The following MRPS35 variants were observed in gnomAD, a reference collection of about 807,000 sequenced individuals.
MRPS35 encodes mitochondrial ribosomal protein S35.
Under a neutral mutation model 32.7 loss-of-function variants are expected in MRPS35, and 29 were observed. The ratio of observed to expected loss-of-function variants is 0.89; its 90% CI spans 0.66 to 1.21. The LOEUF is 1.21. Among genes scored for constraint, MRPS35 ranks in the 50% most tolerant of loss-of-function variants. The probability of loss-of-function intolerance (pLI) is 0.00; values close to 1 mark genes in which losing one functional copy is unlikely to be tolerated. For synonymous variants in MRPS35, 148 were observed against 139.3 expected (o/e 1.06, Z -0.44); for missense variants, 373 against 383.8 (o/e 0.97, Z 0.23).
intron 5 of MRPS35, among the ~76,000 whole-genome samples, chr12:27,729,291 C>A (rs1290603026): frequency 6.6e-6 from 1 of 152,058 alleles, no homozygotes; most frequent in Admixed American, 6.6e-5. Flanking sequence ...AGCCCTAATA[C>A]CTGCCAGTGG....
At chr12:27,744,375 C>T (rs983492131) in intron 7 of MRPS35, among the ~76,000 whole-genome samples, 1 of 152,080 alleles carries the variant, frequency 6.6e-6, no homozygotes, top group Non-Finnish European at 1.5e-5. Flanking sequence ...AGGCGGATCA[C>T]TTGAGGCCTG....
At chr12:27,739,194 A>G (rs1276749145) in intron 7 of MRPS35, among the ~76,000 whole-genome samples, 1 of 152,218 alleles carries the variant, frequency 6.6e-6, no homozygotes, top group Non-Finnish European at 1.5e-5. Context: ...CACCATGTCC[A>G]GCCCTCCCAA....
At chr12:27,734,814 C>T (rs918210375) in intron 5 of MRPS35, among the ~76,000 whole-genome samples, 8 of 152,152 alleles carry the variant, frequency 5.3e-5, no homozygotes, top group South Asian at 2.1e-4. Flanking sequence ...CAATTTACCT[C>T]GGCATTTCCT....
intron 7 of MRPS35, among the ~76,000 whole-genome samples, chr12:27,750,934 C>T (rs538247645): frequency 6.6e-6 from 1 of 151,950 alleles, no homozygotes; most frequent in African/African-American, 2.4e-5. Flanking sequence ...GAAATCCCAT[C>T]TCTACTAAAA....
intron 7 of MRPS35, among the ~76,000 whole-genome samples, chr12:27,749,966 A>G (rs2061995536): frequency 1.3e-5 from 2 of 152,178 alleles, no homozygotes; most frequent in African/African-American, 4.8e-5. Flanking sequence ...ATCTTATACA[A>G]ACTTCCTGGA....
intron 7 of MRPS35, among the ~76,000 whole-genome samples, chr12:27,740,267 CT>C (rs35636242): frequency 0.14 from 19,944 of 142,384 alleles, 1,392 homozygotes; most frequent in East Asian, 0.18. Context: ...CTTCCTTTGG[CT>C]TTTTTTTTTT....
At chr12:27,712,510 A>AT (rs2061832244) in intron 1 of MRPS35, among the ~76,000 whole-genome samples, 1 of 152,210 alleles carries the variant, frequency 6.6e-6, no homozygotes, top group South Asian at 2.1e-4. Flanking sequence ...AAATGAGGTG[A>AT]TGGTGACTTG....
chr12:27,733,268 C>G (rs1307218443), intron 5 of MRPS35, among the ~76,000 whole-genome samples: 1 of 152,040 alleles, frequency 6.6e-6, no homozygotes, highest in East Asian at 1.9e-4. Flanking sequence ...GTGCACCACA[C>G]AACTGTTCCT....
At chr12:27,745,067 C>T (rs1264843003) in intron 7 of MRPS35, among the ~76,000 whole-genome samples, 2 of 152,122 alleles carry the variant, frequency 1.3e-5, no homozygotes, top group African/African-American at 4.8e-5. Context: ...GTGATCCTCC[C>T]GCCTCAGCCT....
At chr12:27,734,178 A>G (rs1390812323) in intron 5 of MRPS35, among the ~76,000 whole-genome samples, 1 of 151,504 alleles carries the variant, frequency 6.6e-6, no homozygotes, top group Non-Finnish European at 1.5e-5. Flanking sequence ...AATGCTCTCC[A>G]TAGAAGATTA....
rs185510378 is a variant in MRPS35 at position 27,738,498 on chromosome 12, T to G, written c.702+890T>G. On this transcript the variant is annotated intron_variant, in intron 7 of 7. Transcript: ENST00000081029. ...AGAGTTTTCATGTAAGTATGTACAT[T>G]TATAAGGAAGATTTTGCCATGCTTG... Among the ~76,000 whole-genome samples the G allele has an allele frequency of 1.2e-4, 18 of 152,302 alleles. No homozygotes were observed. The East Asian group carries it at 3.5e-3, about 29-fold the overall frequency.
intron 5 of MRPS35, among the ~76,000 whole-genome samples, chr12:27,732,688 G>C (rs898590101): frequency 2.0e-5 from 3 of 152,040 alleles, no homozygotes; most frequent in African/African-American, 7.2e-5. Flanking sequence ...AAAAGTTTAG[G>C]ATTAAAAACA....
Position 27,719,833 on chromosome 12 carries a change from C to A in MRPS35, c.347C>A (p.Pro116His), listed in dbSNP as rs373440176. 2 of 1,607,730 alleles carry A rather than the reference C, an allele frequency of 1.2e-6. No individual in the cohort carries two copies. Among genetic ancestry groups the A allele is most frequent in the African/African-American group, 1.3e-5 (1 of 74,898 alleles). The change falls in exon 4 of 8, where the codon CCT (proline) becomes CAT (histidine). Residue 116 changes from proline (P) to histidine (H), a missense_variant. Coordinates refer to ENST00000081029, the MANE Select transcript of MRPS35 (RefSeq NM_021821.4). ...LKIPNFLHLT[P>H]VAIKKHCEAL... ...ATTCCCAATTTTCTGCATTTGACTC[C>A]TGTAGCAATTAAAAAGCACTGTGAA... is the stretch of plus-strand genomic sequence containing the variant.
intron 3 of MRPS35, among the ~76,000 whole-genome samples, chr12:27,719,527 G>A (rs2061864673): frequency 6.6e-6 from 1 of 151,796 alleles, no homozygotes; most frequent in South Asian, 2.1e-4. Context: ...TTAGCCGGGC[G>A]TGGTGGCGGG....
chr12:27,748,821 T>G (rs771609531), intron 7 of MRPS35, among the ~76,000 whole-genome samples: 1 of 151,970 alleles, frequency 6.6e-6, no homozygotes, highest in African/African-American at 2.4e-5. Context: ...CTGAAACAGC[T>G]AATGACTTCA....
intron 3 of MRPS35, among the ~76,000 whole-genome samples, chr12:27,718,911 ACCCCG>A (rs886249742): frequency 3.3e-5 from 5 of 151,954 alleles, no homozygotes; most frequent in Admixed American, 1.3e-4. Context: ...ACATGGTGAA[ACCCCG>A]TCTCTACTAA....
chr12:27,714,949 A>G (rs1473403937), intron 2 of MRPS35, 129 bp downstream of exon 2: 10 of 741,072 alleles, frequency 1.3e-5, no homozygotes, highest in Non-Finnish European at 2.2e-5. Context: ...GGTGATTGCC[A>G]TAGCCCTGGC....
chr12:27,737,589 T>C lies in MRPS35; in HGVS notation c.683T>C (p.Val228Ala). The C allele has an allele frequency of 6.2e-7, 1 of 1,610,228 alleles. No homozygotes were observed. The highest frequency in any genetic ancestry group is 1.1e-5 in the South Asian group (1 of 90,878). ...NYDYAVYLLT[V>A]LYHESWNTEE... ...GATTATGCAGTGTATCTACTAACAG[T>C]GTTATACCATGAGTCTTGGGTAAGT... Residue 228 changes from valine to alanine, a missense_variant, in exon 7 of 8, where the codon GTG becomes GCG. Coordinates refer to ENST00000081029, the MANE Select transcript of MRPS35 (RefSeq NM_021821.4).
intron 1 of MRPS35, among the ~76,000 whole-genome samples, chr12:27,713,846 GGGA>G (rs2061837958): frequency 6.6e-6 from 1 of 152,154 alleles, no homozygotes; most frequent in Admixed American, 6.5e-5. Flanking sequence ...CCAGCACTTT[GGGA>G]GGCTGAGGTG....
Sources: allele counts gnomAD v4.1 joint callset (sites outside exome capture counted in the v4.1 genomes callset), GRCh38; gene constraint gnomAD v4.1.1; transcripts MANE v1.5; gene names NCBI Gene and HGNC (gene_info 2026-07-23, HGNC 2026-07-21).